CSMD1: variants seen among roughly 807,000 people sequenced by gnomAD.
The protein encoded by CSMD1 is CUB and sushi domain-containing protein 1.
A neutral mutation model predicts 417.5 loss-of-function variants in CSMD1; 213 were observed. The ratio of observed to expected loss-of-function variants is 0.51; its 90% CI spans 0.46 to 0.57. CSMD1 has a LOEUF of 0.57. Ranked by LOEUF, CSMD1 falls within the 20% of genes least tolerant of loss-of-function variation. The probability of loss-of-function intolerance (pLI) is 0.00; values close to 1 mark genes in which losing one functional copy is unlikely to be tolerated. For missense variants in CSMD1, 6,923 were observed against 4,529.7 expected (o/e 1.53, Z -15.17); for synonymous variants, 2,862 against 1,736.8 (o/e 1.65, Z -16.11).
At chr8:3,765,643 G>A (rs1798225546) in intron 5 of CSMD1, among the ~76,000 whole-genome samples, 1 of 152,188 alleles carries the variant, frequency 6.6e-6, no homozygotes, top group Non-Finnish European at 1.5e-5. Context: ...ACCCTAAGAT[G>A]ATAAAGCATT....
intron 5 of CSMD1, among the ~76,000 whole-genome samples, chr8:3,969,456 G>C (rs529093067): frequency 1.1e-3 from 173 of 152,208 alleles, no homozygotes; most frequent in African/African-American, 3.9e-3. Flanking sequence ...CACTAGTGTT[G>C]TTTAAGATCC....
chr8:2,959,126 C>G (rs1803254881), intron 62 of CSMD1, among the ~76,000 whole-genome samples: 1 of 152,182 alleles, frequency 6.6e-6, no homozygotes, highest in African/African-American at 2.4e-5. Context: ...ACTTTAGAGT[C>G]AGGGCCTCTC....
intron 5 of CSMD1, among the ~76,000 whole-genome samples, chr8:3,875,890 T>C (rs1338257926): frequency 6.6e-6 from 1 of 152,108 alleles, no homozygotes; most frequent in East Asian, 1.9e-4. Context: ...TGGTAGGAAA[T>C]CACAAGCAAA....
chr8:3,415,642 G>C lies in CSMD1; in HGVS notation c.1562-6037C>G, dbSNP rs184291427. Among the ~76,000 whole-genome samples, 286 of 152,320 alleles carry C rather than the reference G, an allele frequency of 1.9e-3. 1 individual carries two copies. The highest frequency in any genetic ancestry group is 3.3e-3 in the Admixed American group (50 of 15,302). ...CCCAACAGGCTGCGATTACAGGCGT[G>C]AGCCATTGTGCCTGGCCTTGTATGT... is the stretch of plus-strand genomic sequence containing the variant. On this transcript the variant is annotated intron_variant, in intron 12 of 69. Transcript: ENST00000635120.
chr8:3,351,966 A>T (rs1808455052), intron 21 of CSMD1, among the ~76,000 whole-genome samples: 1 of 152,068 alleles, frequency 6.6e-6, no homozygotes, highest in African/African-American at 2.4e-5. Flanking sequence ...ATCCTACTGA[A>T]CATAGGACAG....
At chr8:4,797,748 G>A (rs1027834902) in intron 1 of CSMD1, among the ~76,000 whole-genome samples, 1 of 152,172 alleles carries the variant, frequency 6.6e-6, no homozygotes, top group Non-Finnish European at 1.5e-5. Context: ...AAATGTAGAA[G>A]ATAAGTAACT....
chr8:4,315,696 G>A (rs755930515), intron 3 of CSMD1, among the ~76,000 whole-genome samples: 2 of 152,176 alleles, frequency 1.3e-5, no homozygotes, highest in Non-Finnish European at 2.9e-5. Flanking sequence ...AATAGCCATT[G>A]AAGTCATATT....
At chr8:4,459,371 T>C (rs1253912333) in intron 2 of CSMD1, among the ~76,000 whole-genome samples, 2 of 152,210 alleles carry the variant, frequency 1.3e-5, no homozygotes, top group African/African-American at 4.8e-5. Context: ...CGTGGTTTAC[T>C]CATGAAACAA....
At chr8:3,444,830 G>A (rs1458682554) in intron 12 of CSMD1, among the ~76,000 whole-genome samples, 2 of 152,150 alleles carry the variant, frequency 1.3e-5, no homozygotes, top group Non-Finnish European at 2.9e-5. Context: ...GAGAACCTCA[G>A]CAAGTAAATA....
intron 3 of CSMD1, among the ~76,000 whole-genome samples, chr8:4,175,340 T>C (rs995874183): frequency 2.0e-5 from 3 of 152,162 alleles, no homozygotes; most frequent in African/African-American, 4.8e-5. Flanking sequence ...TCTTCGTCAC[T>C]TTTTTCTAAA....
chr8:3,401,330 T>C (rs1812026642), intron 15 of CSMD1, among the ~76,000 whole-genome samples: 1 of 152,124 alleles, frequency 6.6e-6, no homozygotes, highest in South Asian at 2.1e-4. Context: ...AATTTTATTT[T>C]GCATTTTTAT....
intron 10 of CSMD1, among the ~76,000 whole-genome samples, chr8:3,530,112 T>C (rs1797916284): frequency 6.6e-6 from 1 of 152,196 alleles, no homozygotes; most frequent in African/African-American, 2.4e-5. Context: ...TTATTGATCT[T>C]TTCAAAAAGC....
At position 4,295,995 on chromosome 8, in the gene CSMD1, T is replaced by G. The variant is rs959748022; in HGVS notation, c.415+123958A>C. Among the ~76,000 whole-genome samples the G allele has an allele frequency of 1.2e-4, 18 of 151,874 alleles. No homozygotes were observed. The East Asian group carries it at 3.3e-3, about 28-fold the overall frequency. On this transcript the variant is annotated intron_variant, in intron 3 of 69. Coordinates refer to ENST00000635120, the MANE Select transcript of CSMD1 (RefSeq NM_033225.6). ...AAAAAAACAAACAAAAACAAAAACC[T>G]AAAGACTTTATCTCCAACAACATCT...
intron 1 of CSMD1, among the ~76,000 whole-genome samples, chr8:4,879,689 G>A (rs1215675864): frequency 6.6e-6 from 1 of 151,866 alleles, no homozygotes; most frequent in Non-Finnish European, 1.5e-5. Flanking sequence ...AGAATCGGGA[G>A]AGGTGGAGCA....
At chr8:4,892,005 T>G (rs1270883802) in intron 1 of CSMD1, among the ~76,000 whole-genome samples, 1 of 152,006 alleles carries the variant, frequency 6.6e-6, no homozygotes, top group Non-Finnish European at 1.5e-5. Context: ...TCTTAAACAC[T>G]GTAATGAGAG....
chr8:3,747,024 T>C (rs934549249), intron 6 of CSMD1, among the ~76,000 whole-genome samples: 1 of 152,202 alleles, frequency 6.6e-6, no homozygotes, highest in African/African-American at 2.4e-5. Context: ...TTTTATTTCA[T>C]AAAAATAACT....
intron 10 of CSMD1, among the ~76,000 whole-genome samples, chr8:3,521,769 G>C (rs1356380638): frequency 6.6e-6 from 1 of 152,074 alleles, no homozygotes; most frequent in Non-Finnish European, 1.5e-5. Context: ...TGTATTCCCA[G>C]AACAAAATGC....
intron 3 of CSMD1, among the ~76,000 whole-genome samples, chr8:4,206,223 C>T (rs1349729309): frequency 6.6e-6 from 1 of 152,020 alleles, no homozygotes; most frequent in East Asian, 1.9e-4. Flanking sequence ...ACTTTAAGTT[C>T]TAGAGTACAT....
intron 3 of CSMD1, among the ~76,000 whole-genome samples, chr8:4,040,714 C>G (rs1009033073): frequency 6.6e-6 from 1 of 152,154 alleles, no homozygotes; most frequent in Non-Finnish European, 1.5e-5. Context: ...AGCAAAAACA[C>G]TGCAGGAGAG....
Sources: allele counts gnomAD v4.1 joint callset (sites outside exome capture counted in the v4.1 genomes callset), GRCh38; gene constraint gnomAD v4.1.1; transcripts MANE v1.5; gene names NCBI Gene and HGNC (gene_info 2026-07-23, HGNC 2026-07-21).